The following CEBPG variants were observed in gnomAD, a reference collection of about 807,000 sequenced individuals.
CEBPG encodes CCAAT enhancer binding protein gamma.
CEBPG carries 6 observed loss-of-function variants against 11.1 expected under a neutral mutation model. That is an observed-to-expected ratio of 0.54 (90% CI 0.30 to 1.07). The LOEUF (loss-of-function observed/expected upper bound fraction) is 1.07, where lower values mean the gene tolerates loss of function less well. Among genes scored for constraint, CEBPG ranks in the 50% least tolerant of loss-of-function variants. The pLI, the probability that CEBPG is intolerant of heterozygous loss-of-function variation, is 0.07. For missense variants in CEBPG, 161 were observed against 187.4 expected (o/e 0.86, Z 0.82); for synonymous variants, 66 against 71.0 (o/e 0.93, Z 0.36).
rs770469942 is a variant in CEBPG at position 33,379,399 on chromosome 19, AAG to A, written c.163_164del (p.Ser55PhefsTer8). On this transcript the variant is annotated frameshift_variant, in exon 2 of 2. Transcript: ENST00000284000. The part of the protein sequence containing the change: ...KAVAPSKQSK[K>X]SSPMDRNSDE... Reference sequence around the variant, plus strand: ...TGTGGCTCCCAGCAAGCAGAGCAAAAAGAGTTCGCCCATGGATCGAAACAGTG... The same window carrying A: ...TGTGGCTCCCAGCAAGCAGAGCAAAAAGTTCGCCCATGGATCGAAACAGTG... The A allele has an allele frequency of 2.5e-6, 4 of 1,614,116 alleles. No homozygotes were observed. Among genetic ancestry groups the A allele is most frequent in the Non-Finnish European group, 3.4e-6 (4 of 1,180,032 alleles).
chr19:33,375,260 A>C (rs893556493), intron 1 of CEBPG, among the ~76,000 whole-genome samples: 4 of 152,200 alleles, frequency 2.6e-5, no homozygotes, highest in Admixed American at 6.5e-5. Context: ...TCTTGGAGAG[A>C]TGGTTTCATC....
In CEBPG at chr19:33,373,750, T is replaced by G. The variant is rs900586619; in HGVS notation, c.-242T>G. The G allele has an allele frequency of 8.0e-5, 12 of 150,916 alleles. No homozygotes were observed. The highest frequency in any genetic ancestry group is 2.9e-4 in the African/African-American group (12 of 41,092). 9.3% of individuals were successfully genotyped at this position (150,916 alleles called of 1,614,324 possible). A position where few individuals can be genotyped will look rare whatever the true frequency, so the allele number is the denominator to read the frequency against. ...AGCAGGGGAAGCCGGTGGCCGCGGC[T>G]GCGGAACGGGCGGAGGCTGCCGGTT... On this transcript the variant is annotated 5_prime_UTR_variant, in exon 1 of 2. Transcript: ENST00000284000.
intron 1 of CEBPG, among the ~76,000 whole-genome samples, chr19:33,375,494 T>C (rs764447384): frequency 1.7e-4 from 26 of 152,316 alleles, no homozygotes; most frequent in Non-Finnish European, 3.1e-4. Flanking sequence ...TTTCTAGCTC[T>C]ATCAGTAAAA....
At chr19:33,378,748 C>G (rs1393307324) in intron 1 of CEBPG, among the ~76,000 whole-genome samples, 1 of 152,146 alleles carries the variant, frequency 6.6e-6, no homozygotes, top group African/African-American at 2.4e-5. Context: ...TGACTTGAAC[C>G]AACAATGGAA....
At position 33,379,738 on chromosome 19, in the gene CEBPG, G is replaced by A. The variant is rs1967962376; in HGVS notation, c.*46G>A. 6.6e-7 allele frequency: 1 copy of A among 1,524,448 alleles called. No individual in the cohort carries two copies. Among genetic ancestry groups the A allele is most frequent in the Non-Finnish European group, 8.9e-7 (1 of 1,127,268 alleles). 94.4% of individuals were successfully genotyped at this position (1,524,448 alleles called of 1,614,324 possible). On this transcript the variant is annotated 3_prime_UTR_variant, in exon 2 of 2. Transcript: ENST00000284000. ...TAGAGCTTGTGGCTTGAATGTTAAAGGTGTGACCACCGACACCACTCATGT... is the reference window on the plus strand; with the variant it reads ...TAGAGCTTGTGGCTTGAATGTTAAAAGTGTGACCACCGACACCACTCATGT...
In CEBPG at chr19:33,379,174, G is replaced by A. The variant is rs967922862; in HGVS notation, c.-66G>A. 7 of 1,420,144 alleles carry A rather than the reference G, an allele frequency of 4.9e-6. No individual in the cohort carries two copies. In the East Asian group the frequency reaches 7.1e-5, roughly 14 times the overall value. The allele number at this position is 1,420,144 out of a possible 1,614,324, so 88.0% of individuals were successfully genotyped here. The stretch of plus-strand genomic sequence containing the variant: ...TGTGAAGATTTTTTGGCAGCTTAGC[G>A]TGGAAACCATTGATCACCCTGCTCT... On this transcript the variant is annotated 5_prime_UTR_variant, in exon 2 of 2. It adds an upstream start codon to the 5' untranslated region. Coordinates refer to ENST00000284000, the MANE Select transcript of CEBPG (RefSeq NM_001806.4).
Position 33,380,739 on chromosome 19 carries a change from G to A in CEBPG, c.*1047G>A, listed in dbSNP as rs1967976478. On this transcript the variant is annotated 3_prime_UTR_variant, in exon 2 of 2. Transcript: ENST00000284000. ...TATTAGAGAAATGTATCAACTCCAT[G>A]CCATCTCCCAAAATAATTGTCTAAG... The A allele has an allele frequency of 6.0e-6, 1 of 166,818 alleles. No homozygotes were observed. Among genetic ancestry groups the A allele is most frequent in the African/African-American group, 2.4e-5 (1 of 41,462 alleles). 10.3% of individuals were successfully genotyped at this position (166,818 alleles called of 1,614,324 possible).
chr19:33,375,666 G>A (rs558683166), intron 1 of CEBPG, among the ~76,000 whole-genome samples: 19 of 152,276 alleles, frequency 1.2e-4, no homozygotes, highest in South Asian at 1.0e-3. Flanking sequence ...GAAAGGGGAC[G>A]TCCCCTTCCT....
rs770956550 is a variant in CEBPG at position 33,379,287 on chromosome 19, T to C, written c.48T>C (p.Ile16=). Residue 16 remains isoleucine, a synonymous_variant, in exon 2 of 2, where the codon ATT becomes ATC. Coordinates refer to ENST00000284000, the MANE Select transcript of CEBPG (RefSeq NM_001806.4). ...ACAGCACTCCAGGGGTGAACGGAAT[T>C]AGTGTTATCCATACCCAGGCACATG... ...QQNSTPGVNG[I]SVIHTQAHAS... 3.1e-6 allele frequency: 5 copies of C among 1,593,428 alleles called. No homozygotes were observed. Among genetic ancestry groups the C allele is most frequent in the South Asian group, 1.1e-5 (1 of 89,062 alleles).
chr19:33,374,143 C>T (rs559402618), intron 1 of CEBPG, among the ~76,000 whole-genome samples: 135 of 149,458 alleles, frequency 9.0e-4, no homozygotes, highest in African/African-American at 3.2e-3. Flanking sequence ...GCTGCGGCGC[C>T]GCCCGTCGAC....
At chr19:33,376,480 G>A (rs1967913697) in intron 1 of CEBPG, among the ~76,000 whole-genome samples, 1 of 152,202 alleles carries the variant, frequency 6.6e-6, no homozygotes, top group African/African-American at 2.4e-5. Context: ...GAGTTACTTG[G>A]AGGTCTCCTT....
intron 1 of CEBPG, among the ~76,000 whole-genome samples, chr19:33,378,646 T>A (rs184962912): frequency 6.6e-6 from 1 of 152,328 alleles, no homozygotes; most frequent in East Asian, 1.9e-4. Context: ...AAGTCCTCGA[T>A]GACTCCCTCT....
At position 33,379,503 on chromosome 19, in the gene CEBPG, A is replaced by G; in HGVS notation, c.264A>G (p.Gln88=). ...GGTTGAAAAGCAAGCAGAAAGCACA[A>G]GACACACTGCAGAGAGTCAATCAGC... ...KSRLKSKQKA[Q]DTLQRVNQLK... The change falls in exon 2 of 2, where the codon CAA becomes CAG. Residue 88 remains glutamine, a synonymous_variant. Transcript: ENST00000284000. The G allele has an allele frequency of 6.2e-7, 1 of 1,614,140 alleles. No individual in the cohort carries two copies. The highest frequency in any genetic ancestry group is 8.5e-7 in the Non-Finnish European group (1 of 1,179,998).
chr19:33,375,727 G>T (rs537426830), intron 1 of CEBPG, among the ~76,000 whole-genome samples: 3 of 152,198 alleles, frequency 2.0e-5, no homozygotes, highest in South Asian at 4.1e-4. Context: ...GACACGATGC[G>T]GCTGGAGTTG....
At chr19:33,374,122 C>T (rs932204482) in intron 1 of CEBPG, among the ~76,000 whole-genome samples, 1 of 149,318 alleles carries the variant, frequency 6.7e-6, no homozygotes, top group African/African-American at 2.4e-5. Flanking sequence ...CATTCCTGGC[C>T]GCGGCCCAGC....
Position 33,381,143 on chromosome 19 carries a change from G to A in CEBPG, c.*1451G>A, listed in dbSNP as rs1967982928. 1 of 167,006 alleles carries A rather than the reference G, an allele frequency of 6.0e-6. No individual in the cohort carries two copies. The allele number at this position is 167,006 out of a possible 1,614,324, so 10.3% of individuals were successfully genotyped here. On this transcript the variant is annotated 3_prime_UTR_variant, in exon 2 of 2. Transcript: ENST00000284000. Reference sequence around the variant, plus strand: ...ATTTGTGTATTTTTTGTGTGCCTGGGCTGGAGATGAGAGACTGAGTCATAA... The same window carrying A: ...ATTTGTGTATTTTTTGTGTGCCTGGACTGGAGATGAGAGACTGAGTCATAA...
At chr19:33,375,036 G>C (rs61632092) in intron 1 of CEBPG, among the ~76,000 whole-genome samples, 2,753 of 152,288 alleles carry the variant, frequency 0.018, 92 homozygotes, top group African/African-American at 0.061. Context: ...TCTGCTTCTG[G>C]AAAAAGTTGC....
In CEBPG at chr19:33,379,275, G is replaced by T; in HGVS notation, c.36G>T (p.Gly12=). The T allele has an allele frequency of 6.3e-7, 1 of 1,582,960 alleles. No homozygotes were observed. Among genetic ancestry groups the T allele is most frequent in the Non-Finnish European group, 8.6e-7 (1 of 1,163,848 alleles). The part of the protein sequence containing the change: ...SKISQQNSTP[G]VNGISVIHTQ... ...TATCGCAGCAAAACAGCACTCCAGGGGTGAACGGAATTAGTGTTATCCATA... is the reference window on the plus strand; with the variant it reads ...TATCGCAGCAAAACAGCACTCCAGGTGTGAACGGAATTAGTGTTATCCATA... The change falls in exon 2 of 2, where the codon GGG becomes GGT. Residue 12 remains glycine, a synonymous_variant. Transcript: ENST00000284000.
intron 1 of CEBPG, among the ~76,000 whole-genome samples, chr19:33,375,660 G>A (rs946501733): frequency 6.6e-6 from 1 of 152,158 alleles, no homozygotes; most frequent in African/African-American, 2.4e-5. Flanking sequence ...CTCCCAGAAA[G>A]GGGACGTCCC....
Sources: gnomAD v4.1 joint callset for allele counts (sites outside exome capture counted in the v4.1 genomes callset) on GRCh38, gnomAD v4.1.1 for gene constraint, MANE v1.5 for transcripts, NCBI Gene and HGNC (gene_info 2026-07-23, HGNC 2026-07-21) for gene names.